SLC14A2: variants seen among roughly 807,000 people sequenced by gnomAD.
The protein encoded by SLC14A2 is solute carrier family 14 member 2.
Under a neutral mutation model 104.6 loss-of-function variants are expected in SLC14A2, and 91 were observed. The ratio of observed to expected loss-of-function variants is 0.87; its 90% CI spans 0.73 to 1.04. The LOEUF (loss-of-function observed/expected upper bound fraction) is 1.04, where lower values mean the gene tolerates loss of function less well. SLC14A2 is among the 50% of genes least tolerant of loss of function. SLC14A2 has a pLI of 0.00. For synonymous variants in SLC14A2, 476 were observed against 466.4 expected (o/e 1.02, Z -0.27); for missense variants, 1,189 against 1,156.0 (o/e 1.03, Z -0.41).
intron 1 of SLC14A2, among the ~76,000 whole-genome samples, chr18:45,428,188 A>G (rs1487136606): frequency 6.6e-6 from 1 of 152,186 alleles, no homozygotes; most frequent in Non-Finnish European, 1.5e-5. Context: ...ATTGAACCCA[A>G]GGAGCCCTAG....
At chr18:45,476,162 T>A (rs1420792605) in intron 1 of SLC14A2, among the ~76,000 whole-genome samples, 3 of 152,196 alleles carry the variant, frequency 2.0e-5, no homozygotes, top group Non-Finnish European at 4.4e-5. Flanking sequence ...GGAGCTCTTG[T>A]AAGGCGGGCC....
At chr18:45,525,505 T>A (rs558658827) in intron 2 of SLC14A2, among the ~76,000 whole-genome samples, 1 of 152,346 alleles carries the variant, frequency 6.6e-6, no homozygotes, top group African/African-American at 2.4e-5. Flanking sequence ...TATTACTGGT[T>A]ATTAACTCCT....
chr18:45,479,978 A>T lies in SLC14A2; in HGVS notation c.-124-3255A>T, dbSNP rs996563094. On this transcript the variant is annotated intron_variant, in intron 1 of 20. Transcript: ENST00000586448. ...CTTCATCATGGGTGTGGAATAGTGG[A>T]TGGCCTTCCCCAAGAAAGGATTTGC... is the stretch of plus-strand genomic sequence containing the variant. 2.6e-5 allele frequency among the ~76,000 whole-genome samples: 4 copies of T among 152,136 alleles called. 1 individual carries two copies. Among genetic ancestry groups the T allele is most frequent in the African/African-American group, 9.7e-5 (4 of 41,414 alleles).
chr18:45,522,154 G>A (rs528892720), intron 2 of SLC14A2, among the ~76,000 whole-genome samples: 11 of 152,202 alleles, frequency 7.2e-5, no homozygotes, highest in Non-Finnish European at 1.6e-4. Flanking sequence ...GGTTACTGTG[G>A]ATTTCAAATG....
intron 1 of SLC14A2, among the ~76,000 whole-genome samples, chr18:45,370,578 A>G (rs2144352100): frequency 6.6e-6 from 1 of 152,354 alleles, no homozygotes; most frequent in South Asian, 2.1e-4. Context: ...AGATACGGAC[A>G]TGACAGGGTA....
At chr18:45,193,235 A>C in the SLC14A2 span, among the ~76,000 whole-genome samples, 19 of 152,308 alleles carry the variant, frequency 1.2e-4, 1 homozygote, top group Non-Finnish European at 1.0e-4. Flanking sequence ...ATCTGTAATT[A>C]TTATGAAATC....
intron 1 of SLC14A2, among the ~76,000 whole-genome samples, chr18:45,219,737 C>T (rs1414137134): frequency 5.3e-5 from 8 of 152,036 alleles, no homozygotes; most frequent in African/African-American, 1.9e-4. Context: ...AAGTAAATAC[C>T]TTTAGTTTAC....
In SLC14A2 at chr18:45,682,672, C is replaced by G; in HGVS notation, c.*153C>G. 1 of 649,038 alleles carries G rather than the reference C, an allele frequency of 1.5e-6. No individual in the cohort carries two copies. The highest frequency in any genetic ancestry group is 1.8e-5 in the South Asian group (1 of 54,838). 40.2% of individuals were successfully genotyped at this position (649,038 alleles called of 1,614,324 possible). A position where few individuals can be genotyped will look rare whatever the true frequency, so the allele number is the denominator to read the frequency against. On this transcript the variant is annotated 3_prime_UTR_variant, in exon 20 of 20. Coordinates refer to ENST00000255226, the MANE Select transcript of SLC14A2 (RefSeq NM_007163.4). Reference sequence around the variant, plus strand: ...GTGTATGTAGTCACCATTCCAGAACCTCTCTTTTCTAAGATGCACAACACT... The same window carrying G: ...GTGTATGTAGTCACCATTCCAGAACGTCTCTTTTCTAAGATGCACAACACT...
At chr18:45,570,001 T>C (rs1311218999) in intron 2 of SLC14A2, among the ~76,000 whole-genome samples, 1 of 152,048 alleles carries the variant, frequency 6.6e-6, no homozygotes, top group Non-Finnish European at 1.5e-5. Flanking sequence ...AATTATAGAG[T>C]CATCAAAAAT....
In SLC14A2 at chr18:45,666,928, T is replaced by C. The variant is rs367962291; in HGVS notation, c.1558-7T>C. 6.8e-6 allele frequency: 11 copies of C among 1,613,110 alleles called. No individual in the cohort carries two copies. The highest frequency in any genetic ancestry group is 9.3e-6 in the Non-Finnish European group (11 of 1,179,334). ...GGGAGACTCTTGCCTATCTCTGTCC[T>C]GGACAGGATCTGGACACCATGGAGG... is the stretch of plus-strand genomic sequence containing the variant. On this transcript the variant is annotated splice_region_variant and splice_polypyrimidine_tract_variant and intron_variant, in intron 12 of 19. Transcript: ENST00000255226.
intron 16 of SLC14A2, among the ~76,000 whole-genome samples, chr18:45,671,315 A>G (rs926215632): frequency 6.6e-6 from 1 of 152,110 alleles, no homozygotes; most frequent in African/African-American, 2.4e-5. Context: ...GAAAAATTCA[A>G]TTTTGTGGCA....
intron 1 of SLC14A2, among the ~76,000 whole-genome samples, chr18:45,422,211 C>G (rs9950296): frequency 0.55 from 83,100 of 151,938 alleles, 22,960 homozygotes; most frequent in Admixed American, 0.68. Flanking sequence ...ACACTGGGTA[C>G]TCTCAAGCAG....
rs1334836800 is a variant in SLC14A2 at position 45,624,656 on chromosome 18, C to T, written c.-9C>T. On this transcript the variant is annotated 5_prime_UTR_variant, in exon 2 of 20. Transcript: ENST00000255226. Reference sequence around the variant, plus strand: ...TCCATCGATAGAAGAGTGGCTGTGACCCGAAGGAATGTCTGACCCCCACAG... The same window carrying T: ...TCCATCGATAGAAGAGTGGCTGTGATCCGAAGGAATGTCTGACCCCCACAG... 1 of 1,607,730 alleles carries T rather than the reference C, an allele frequency of 6.2e-7. No individual in the cohort carries two copies. Among genetic ancestry groups the T allele is most frequent in the Non-Finnish European group, 8.5e-7 (1 of 1,176,810 alleles).
chr18:45,322,220 T>C (rs2085192313), intron 1 of SLC14A2, among the ~76,000 whole-genome samples: 2 of 152,206 alleles, frequency 1.3e-5, no homozygotes, highest in Non-Finnish European at 2.9e-5. Flanking sequence ...CATTTGTAGA[T>C]AGAATAAATT....
At chr18:45,227,210 A>C (rs755771528) in intron 1 of SLC14A2, among the ~76,000 whole-genome samples, 10 of 152,304 alleles carry the variant, frequency 6.6e-5, no homozygotes, top group Admixed American at 3.9e-4. Flanking sequence ...GCAGGAATTT[A>C]TCTCTCCACA....
At chr18:45,378,138 A>G (rs1408781007) in intron 1 of SLC14A2, among the ~76,000 whole-genome samples, 41 of 152,176 alleles carry the variant, frequency 2.7e-4, no homozygotes, top group Admixed American at 2.7e-3. Context: ...ATAGTTATTT[A>G]TCTATGGGCT....
chr18:45,338,685 A>AG (rs1216056759), intron 1 of SLC14A2, among the ~76,000 whole-genome samples: 2 of 97,978 alleles, frequency 2.0e-5, no homozygotes, highest in African/African-American at 8.4e-5. Flanking sequence ...TGGCTCACAA[A>AG]AAAAAAAAAA....
intron 1 of SLC14A2, among the ~76,000 whole-genome samples, chr18:45,464,062 T>C (rs180764108): frequency 3.9e-5 from 6 of 152,322 alleles, no homozygotes; most frequent in Admixed American, 3.9e-4. Flanking sequence ...AACAACCAAA[T>C]GGTCTGGGCA....
the SLC14A2 span, chr18:45,168,893 A>G: frequency 6.6e-6 from 1 of 152,210 alleles, no homozygotes; most frequent in Non-Finnish European, 1.5e-5. Flanking sequence ...GGATATTTTA[A>G]TTCTTGTGTC....
Sources: gnomAD v4.1 joint callset for allele counts (sites outside exome capture counted in the v4.1 genomes callset) on GRCh38, gnomAD v4.1.1 for gene constraint, MANE v1.5 for transcripts, NCBI Gene and HGNC (gene_info 2026-07-23, HGNC 2026-07-21) for gene names.